The following TRPC7 variants were observed in gnomAD, a reference collection of about 807,000 sequenced individuals.
TRPC7 encodes short transient receptor potential channel 7.
In TRPC7, 42 loss-of-function variants were observed where a neutral mutation model predicts 90.1. That is an observed-to-expected ratio of 0.47 (90% CI 0.36 to 0.60). The LOEUF (loss-of-function observed/expected upper bound fraction) is 0.60, where lower values mean the gene tolerates loss of function less well. Among genes scored for constraint, TRPC7 ranks in the 20% least tolerant of loss-of-function variants. The pLI, the probability that TRPC7 is intolerant of heterozygous loss-of-function variation, is 0.00. For missense variants in TRPC7, 955 were observed against 1,112.3 expected (o/e 0.86, Z 2.01); for synonymous variants, 451 against 436.3 (o/e 1.03, Z -0.42).
intron 2 of TRPC7, among the ~76,000 whole-genome samples, chr5:136,345,589 C>A (rs912078349): frequency 2.0e-5 from 3 of 152,048 alleles, no homozygotes; most frequent in Admixed American, 2.0e-4. Context: ...TTTGTAGATT[C>A]TGGATATTAG....
At chr5:136,352,502 A>T (rs1760223829) in intron 2 of TRPC7, among the ~76,000 whole-genome samples, 1 of 152,140 alleles carries the variant, frequency 6.6e-6, no homozygotes, top group Admixed American at 6.5e-5. Context: ...CAAGCAGATT[A>T]ATTCAGGAGA....
At chr5:136,338,474 A>G (rs1561724823) in intron 2 of TRPC7, among the ~76,000 whole-genome samples, 1 of 152,200 alleles carries the variant, frequency 6.6e-6, no homozygotes, top group Non-Finnish European at 1.5e-5. Context: ...ACATCACCTG[A>G]TCCACTTTAT....
intron 2 of TRPC7, among the ~76,000 whole-genome samples, chr5:136,333,972 A>G (rs940916902): frequency 3.9e-5 from 6 of 152,152 alleles, no homozygotes; most frequent in African/African-American, 1.2e-4. Flanking sequence ...TAGAATTTCA[A>G]TGTTGGAGAG....
intron 6 of TRPC7, among the ~76,000 whole-genome samples, chr5:136,249,135 T>C (rs1452564937): frequency 6.6e-6 from 1 of 152,218 alleles, no homozygotes; most frequent in Non-Finnish European, 1.5e-5. Flanking sequence ...AGATTGGATT[T>C]AGGGTATGGG....
At chr5:136,295,765 A>G (rs1446927400) in intron 3 of TRPC7, among the ~76,000 whole-genome samples, 1 of 152,230 alleles carries the variant, frequency 6.6e-6, no homozygotes, top group Non-Finnish European at 1.5e-5. Flanking sequence ...GGCCATACTC[A>G]GCCATAGAAG....
chr5:136,239,749 A>G (rs865864888), intron 7 of TRPC7, among the ~76,000 whole-genome samples: 6 of 152,196 alleles, frequency 3.9e-5, no homozygotes, highest in East Asian at 1.9e-4. Context: ...CAGGCGATCT[A>G]TCTAGCTCAG....
intron 2 of TRPC7, among the ~76,000 whole-genome samples, chr5:136,318,554 C>T (rs1270898164): frequency 2.6e-5 from 4 of 152,190 alleles, no homozygotes; most frequent in Admixed American, 1.3e-4. Context: ...AACATGACTG[C>T]ATTGTTATTC....
intron 2 of TRPC7, among the ~76,000 whole-genome samples, chr5:136,356,282 C>T (rs1760371522): frequency 6.6e-6 from 1 of 152,236 alleles, no homozygotes; most frequent in African/African-American, 2.4e-5. Flanking sequence ...CTAGACACTC[C>T]TGAGCTCCCT....
At chr5:136,272,051 T>C (rs17169999) in intron 4 of TRPC7, among the ~76,000 whole-genome samples, 2,856 of 152,286 alleles carry the variant, frequency 0.019, 86 homozygotes, top group African/African-American at 0.065. Flanking sequence ...ATCTCAACAT[T>C]TACTAGACAT....
At chr5:136,280,138 C>T (rs954136160) in intron 3 of TRPC7, among the ~76,000 whole-genome samples, 10 of 152,108 alleles carry the variant, frequency 6.6e-5, no homozygotes, top group African/African-American at 9.7e-5. Context: ...CCAACCTGGG[C>T]GATGGATCAA....
chr5:136,332,942 T>G (rs995125786), intron 2 of TRPC7, among the ~76,000 whole-genome samples: 2 of 152,194 alleles, frequency 1.3e-5, no homozygotes, highest in Admixed American at 1.3e-4. Context: ...CGCAGTTTTC[T>G]TTGTCCTTCG....
At chr5:136,291,912 T>C (rs564269585) in intron 3 of TRPC7, among the ~76,000 whole-genome samples, 23 of 152,176 alleles carry the variant, frequency 1.5e-4, no homozygotes, top group South Asian at 4.2e-4. Context: ...CCTCAGCAAA[T>C]GTAAAAGAAC....
chr5:136,228,887 C>T (rs767581479), intron 8 of TRPC7, among the ~76,000 whole-genome samples: 7 of 152,180 alleles, frequency 4.6e-5, no homozygotes, highest in Admixed American at 1.3e-4. Flanking sequence ...GGCCCCTTTC[C>T]GTGGTGGGAT....
chr5:136,220,418 A>G (rs1755415664), intron 10 of TRPC7, among the ~76,000 whole-genome samples: 1 of 152,168 alleles, frequency 6.6e-6, no homozygotes, highest in African/African-American at 2.4e-5. Context: ...GCAGTCTATA[A>G]ATGGCCGCTC....
At chr5:136,291,934 C>G (rs1316565225) in intron 3 of TRPC7, among the ~76,000 whole-genome samples, 1 of 152,090 alleles carries the variant, frequency 6.6e-6, no homozygotes, top group South Asian at 2.1e-4. Flanking sequence ...GAAATTATAA[C>G]AAACTGTCTC....
chr5:136,356,173 A>T (rs1190423127), intron 2 of TRPC7, among the ~76,000 whole-genome samples: 1 of 152,228 alleles, frequency 6.6e-6, no homozygotes, highest in East Asian at 1.9e-4. Context: ...ACATTCCAGG[A>T]TGAGAGAGAT....
At chr5:136,234,009 T>G (rs2149798248) in intron 7 of TRPC7, among the ~76,000 whole-genome samples, 1 of 152,338 alleles carries the variant, frequency 6.6e-6, no homozygotes, top group East Asian at 1.9e-4. Flanking sequence ...CTCGAGGCTT[T>G]GCCTTAGTTT....
In TRPC7 at chr5:136,231,372, GTTGT is replaced by G; in HGVS notation, c.2018_2021del (p.Asn673ThrfsTer38). 2 of 1,596,932 alleles carry G rather than the reference GTTGT, an allele frequency of 1.3e-6. No homozygotes were observed. The highest frequency in any genetic ancestry group is 1.7e-6 in the Non-Finnish European group (2 of 1,166,458). On this transcript the variant is annotated frameshift_variant, in exon 8 of 12. Transcript: ENST00000513104. LOFTEE classifies it high-confidence loss of function. ...GCCTTACCTCAATTTCCTGATAGGA[GTTGT>G]TTATCATGGCTATTAGCATGTTGAG... is the stretch of plus-strand genomic sequence containing the variant.
intron 7 of TRPC7, among the ~76,000 whole-genome samples, chr5:136,237,154 A>G (rs1253066478): frequency 6.6e-6 from 1 of 152,038 alleles, no homozygotes; most frequent in Non-Finnish European, 1.5e-5. Context: ...GAAAGTCTGA[A>G]CTCATCCCTT....
Sources: gnomAD v4.1 joint callset for allele counts (sites outside exome capture counted in the v4.1 genomes callset) on GRCh38, gnomAD v4.1.1 for gene constraint, MANE v1.5 for transcripts, NCBI Gene and HGNC (gene_info 2026-07-23, HGNC 2026-07-21) for gene names.